The following OPA3 variants were observed in gnomAD, a reference collection of about 807,000 sequenced individuals.
OPA3 encodes outer mitochondrial membrane lipid metabolism regulator OPA3.
OPA3 carries 6 observed loss-of-function variants against 4.0 expected under a neutral mutation model. The observed-to-expected ratio is 1.51, with a 90% confidence interval of 0.83 to 2.99. OPA3 has a LOEUF of 2.99. Among genes scored for constraint, OPA3 ranks in the 30% most tolerant of loss-of-function variants. The pLI is 0.00. For missense variants in OPA3, 235 were observed against 256.2 expected, an observed-to-expected ratio of 0.92 and a Z score of 0.56; for synonymous variants, 105 against 117.1, an observed-to-expected ratio of 0.90 and a Z score of 0.67.
rs555830952 is a variant in OPA3, at chr19:45,549,759, C to T, written c.*3755G>A. 4.3e-3 allele frequency: 4,286 copies of T among 985,374 alleles called. 16 individuals are homozygous for T. The highest frequency in any genetic ancestry group is 4.9e-3 in the Non-Finnish European group (4,054 of 829,990). The allele number at this position is 985,374 out of a possible 1,614,324, so 61.0% of individuals were successfully genotyped here. On this transcript the variant is annotated 3_prime_UTR_variant, in exon 2 of 2. Transcript: ENST00000263275. Reference sequence around the variant, plus strand: ...CCTCTCAAAGTGCTGGGATGACAGGCGTGAGCTGGCCTGGGTCACTCCCAG... The same window carrying T: ...CCTCTCAAAGTGCTGGGATGACAGGTGTGAGCTGGCCTGGGTCACTCCCAG...
chr19:45,555,178 T>C (rs952051650), intron 1 of OPA3, among the ~76,000 whole-genome samples: 1 of 152,172 alleles, frequency 6.6e-6, no homozygotes, highest in South Asian at 2.1e-4. Context: ...TAGAACCTTA[T>C]GGTCACAGGA....
Position 45,553,646 on chromosome 19 carries a change from C to T in OPA3, c.408G>A (p.Leu136=). 1.2e-6 allele frequency: 2 copies of T among 1,605,092 alleles called. No individual in the cohort carries two copies. Among genetic ancestry groups the T allele is most frequent in the Non-Finnish European group, 1.7e-6 (2 of 1,178,316 alleles). The change falls in exon 2 of 2, where the codon CTG becomes CTA. Residue 136 remains leucine, a synonymous_variant. Coordinates refer to ENST00000263275, the MANE Select transcript of OPA3 (RefSeq NM_025136.4). The part of the protein sequence containing the change: ...VGHLALALEA[L]QAQVQAAPPQ... ...GCGGCGCCGCCTGCACCTGCGCCTG[C>T]AGCGCTTCCAGCGCCAGCGCCAGGT...
downstream of OPA3, among the ~76,000 whole-genome samples, chr19:45,545,144 G>T (rs1201081766): frequency 1.7e-5 from 2 of 120,728 alleles, no homozygotes; most frequent in African/African-American, 6.2e-5. Context: ...CAGCCTGGGC[G>T]ACAGAGCAAG....
At chr19:45,581,619 C>G (rs998951070) in intron 1 of OPA3, among the ~76,000 whole-genome samples, 1 of 152,214 alleles carries the variant, frequency 6.6e-6, no homozygotes, top group Non-Finnish European at 1.5e-5. Flanking sequence ...AGGCCTGGCA[C>G]AGGGCAGAGG....
chr19:45,561,160 C>T (rs181438784), intron 1 of OPA3, among the ~76,000 whole-genome samples: 20 of 152,108 alleles, frequency 1.3e-4, no homozygotes, highest in African/African-American at 4.8e-4. Flanking sequence ...ATGGAGAAAC[C>T]CTGTCTCTAC....
chr19:45,530,709 T>A (rs908240269), intron 1 of OPA3, among the ~76,000 whole-genome samples: 1 of 151,974 alleles, frequency 6.6e-6, no homozygotes, highest in Admixed American at 6.6e-5. Flanking sequence ...TCCGCCTGCT[T>A]CAGCCTCCCA....
rs1969367398 is a variant in OPA3 at position 45,553,472 on chromosome 19, T to C, written c.*42A>G. On this transcript the variant is annotated 3_prime_UTR_variant, in exon 2 of 2. Coordinates refer to ENST00000263275, the MANE Select transcript of OPA3 (RefSeq NM_025136.4). ...GGTGCGGGAAGAAGGCCACGTTAGG[T>C]ACATAGGCCATGTCCAAATTCAGGT... 1.9e-6 allele frequency: 3 copies of C among 1,610,148 alleles called. No individual in the cohort carries two copies. Among genetic ancestry groups the C allele is most frequent in the East Asian group, 4.5e-5 (2 of 44,880 alleles).
At chr19:45,567,240 T>A (rs1185189210) in intron 1 of OPA3, among the ~76,000 whole-genome samples, 1 of 150,374 alleles carries the variant, frequency 6.7e-6, no homozygotes, top group Non-Finnish European at 1.5e-5. Context: ...CTCAGGAGGC[T>A]GAGGCAGGAG....
At position 45,551,900 on chromosome 19, in the gene OPA3, G is replaced by A. The variant is rs185624158; in HGVS notation, c.*1614C>T. 579 of 985,608 alleles carry A rather than the reference G, an allele frequency of 5.9e-4. 1 individual carries two copies. The highest frequency in any genetic ancestry group is 6.1e-4 in the Non-Finnish European group (506 of 830,058). 61.1% of individuals were successfully genotyped at this position (985,608 alleles called of 1,614,324 possible). A position where few individuals can be genotyped will look rare whatever the true frequency, so the allele number is the denominator to read the frequency against. The stretch of plus-strand genomic sequence containing the variant: ...AATCCATGGGCTTGGATTCGACTGG[G>A]TCCCTGAGAAATGCTACTGAGCAAG... On this transcript the variant is annotated 3_prime_UTR_variant, in exon 2 of 2. Transcript: ENST00000263275.
rs1969378324 is a variant in OPA3 at position 45,553,779 on chromosome 19, A to G, written c.275T>C (p.Val92Ala). Residue 92 changes from valine to alanine, a missense_variant, in exon 2 of 2, where the codon GTG becomes GCG. Coordinates refer to ENST00000263275, the MANE Select transcript of OPA3 (RefSeq NM_025136.4). ...ELLGEATIFI[V>A]GGGCLVLEYW... Reference sequence around the variant, plus strand: ...CTCCAGCACTAGGCAGCCGCCGCCCACGATGAAGATGGTGGCTTCGCCCAG... The same window carrying G: ...CTCCAGCACTAGGCAGCCGCCGCCCGCGATGAAGATGGTGGCTTCGCCCAG... 8 of 1,613,010 alleles carry G rather than the reference A, an allele frequency of 5.0e-6. No individual in the cohort carries two copies. The highest frequency in any genetic ancestry group is 6.8e-6 in the Non-Finnish European group (8 of 1,179,860).
intron 1 of OPA3, among the ~76,000 whole-genome samples, chr19:45,581,713 C>G (rs1411578452): frequency 3.3e-5 from 5 of 152,208 alleles, no homozygotes; most frequent in Non-Finnish European, 7.3e-5. Flanking sequence ...ACCTTGCCCG[C>G]TGCCTAGACA....
chr19:45,529,509 C>T, intron 1 of OPA3: 2 of 1,603,444 alleles, frequency 1.2e-6, no homozygotes, highest in Non-Finnish European at 1.7e-6. Flanking sequence ...CTCCTATAAG[C>T]CCCGACCCTC....
intron 1 of OPA3, among the ~76,000 whole-genome samples, chr19:45,534,408 A>G (rs913495180): frequency 1.6e-4 from 25 of 151,792 alleles, no homozygotes; most frequent in African/African-American, 5.3e-4. Context: ...CTAAAAATAC[A>G]AAACTTAGCC....
intron 1 of OPA3, among the ~76,000 whole-genome samples, chr19:45,575,396 T>A (rs899546393): frequency 2.0e-5 from 3 of 151,856 alleles, no homozygotes; most frequent in Admixed American, 6.6e-5. Flanking sequence ...TGGCTAAGAG[T>A]TACTACGGTA....
In OPA3 at chr19:45,547,704, C is replaced by CTT. The variant is rs58766088; in HGVS notation, c.*5808_*5809dup. ...CACCCTATGCTGGATTAGCTTTTTC[C>CTT]TTTTTTTTTTGAGATGGAGTCTCGT... On this transcript the variant is annotated 3_prime_UTR_variant, in exon 2 of 2. Coordinates refer to ENST00000263275, the MANE Select transcript of OPA3 (RefSeq NM_025136.4). The CTT allele has an allele frequency of 2.0e-5, 3 of 149,222 alleles. No individual in the cohort carries two copies. Among genetic ancestry groups the CTT allele is most frequent in the African/African-American group, 4.9e-5 (2 of 40,648 alleles). 9.2% of individuals were successfully genotyped at this position (149,222 alleles called of 1,614,324 possible).
Position 45,529,266 on chromosome 19 carries a change from C to T in OPA3, c.333G>A (p.Lys111=), listed in dbSNP as rs763259776. ...CCCTGGCAACACGTCGCTCCTTTTC[C>T]TTGCGGCGCTGCTGCAACTGGTGGC... The change falls in exon 2 of 2, where the codon AAG becomes AAA. Residue 111 remains lysine, a synonymous_variant. Transcript: ENST00000323060. The T allele has an allele frequency of 3.1e-6, 5 of 1,613,846 alleles. No homozygotes were observed. In the Admixed American group the frequency reaches 6.7e-5, roughly 22 times the overall value.
At chr19:45,578,698 A>G (rs956167494) in intron 1 of OPA3, among the ~76,000 whole-genome samples, 1 of 152,058 alleles carries the variant, frequency 6.6e-6, no homozygotes, top group Non-Finnish European at 1.5e-5. Flanking sequence ...GTGGTGGCGC[A>G]TGCCTGTAAT....
chr19:45,583,621 C>A lies in OPA3; in HGVS notation c.142+1002G>T, dbSNP rs570434761. ...GGTTCAAGCGATTCCCCTGCCTCAG[C>A]CTCCCAAGTAGCTGGGATTACAGGT... On this transcript the variant is annotated intron_variant, in intron 1 of 1. Transcript: ENST00000263275. Among the ~76,000 whole-genome samples, 351 of 152,292 alleles carry A rather than the reference C, an allele frequency of 2.3e-3. 3 individuals carry two copies. Among genetic ancestry groups the A allele is most frequent in the Non-Finnish European group, 3.8e-3 (259 of 68,034 alleles).
At chr19:45,531,818 G>A (rs1189066249) in intron 1 of OPA3, among the ~76,000 whole-genome samples, 1 of 152,166 alleles carries the variant, frequency 6.6e-6, no homozygotes, top group African/African-American at 2.4e-5. Context: ...CAAGATGAAT[G>A]TTTTTCTTAT....
Sources: gnomAD v4.1 joint callset for allele counts (sites outside exome capture counted in the v4.1 genomes callset) on GRCh38, gnomAD v4.1.1 for gene constraint, MANE v1.5 for transcripts, NCBI Gene and HGNC (gene_info 2026-07-23, HGNC 2026-07-21) for gene names.